Variants in STXBP6 observed in about 807,000 individuals in gnomAD.
STXBP6 encodes the protein syntaxin-binding protein 6.
Under a neutral mutation model 26.9 loss-of-function variants are expected in STXBP6, and 21 were observed. The observed-to-expected ratio is 0.78, with a 90% CI of 0.55 to 1.12. The LOEUF is 1.12. Among genes scored for constraint, STXBP6 ranks in the 50% most tolerant of loss-of-function variants. The probability of loss-of-function intolerance (pLI) is 0.00; values close to 1 mark genes in which losing one functional copy is unlikely to be tolerated. For missense variants in STXBP6, 232 were observed against 257.9 expected (o/e 0.90, Z 0.69); for synonymous variants, 97 against 92.6 (o/e 1.05, Z -0.27).
At chr14:24,981,787 C>T (rs10137405) in intron 1 of STXBP6, among the ~76,000 whole-genome samples, 56,566 of 151,950 alleles carry the variant, frequency 0.37, 13,267 homozygotes, top group African/African-American at 0.67. Context: ...AAAAAATCAT[C>T]ATAAACAACC....
intron 5 of STXBP6, 52 bp from the exon 6 acceptor site, chr14:24,812,784 A>G (rs776360791): frequency 1.3e-6 from 2 of 1,589,432 alleles, no homozygotes; most frequent in African/African-American, 1.3e-5. Context: ...AGGTATTAGC[A>G]GAGAGATTTC....
At chr14:25,032,238 C>A (rs2075471470) in intron 1 of STXBP6, among the ~76,000 whole-genome samples, 2 of 152,142 alleles carry the variant, frequency 1.3e-5, no homozygotes, top group African/African-American at 4.8e-5. Context: ...AGGACTATCA[C>A]CACACTGGAA....
intron 2 of STXBP6, among the ~76,000 whole-genome samples, chr14:24,903,108 C>T (rs2071270669): frequency 6.6e-6 from 1 of 152,204 alleles, no homozygotes; most frequent in Non-Finnish European, 1.5e-5. Flanking sequence ...AAATCTTTTA[C>T]TAACCAAGAT....
chr14:24,990,076 G>A (rs2074427428), intron 1 of STXBP6, among the ~76,000 whole-genome samples: 1 of 152,160 alleles, frequency 6.6e-6, no homozygotes, highest in African/African-American at 2.4e-5. Flanking sequence ...CTTCCTGTTG[G>A]GGAAAGGTTA....
intron 1 of STXBP6, among the ~76,000 whole-genome samples, chr14:24,996,254 T>A (rs1231530557): frequency 6.6e-6 from 1 of 152,234 alleles, no homozygotes; most frequent in Non-Finnish European, 1.5e-5. Context: ...AATTTTTTAA[T>A]GCTTCTTGGC....
chr14:25,012,341 G>A (rs1234237210), intron 1 of STXBP6, among the ~76,000 whole-genome samples: 2 of 152,186 alleles, frequency 1.3e-5, no homozygotes, highest in Admixed American at 6.5e-5. Context: ...GAACATGCAT[G>A]CACACAGTCA....
At chr14:24,947,193 TAGAG>T (rs2073020411) in intron 2 of STXBP6, among the ~76,000 whole-genome samples, 1 of 148,972 alleles carries the variant, frequency 6.7e-6, no homozygotes, top group African/African-American at 2.5e-5. Flanking sequence ...GGAATATTAA[TAGAG>T]AGCTCCATAT....
intron 4 of STXBP6, among the ~76,000 whole-genome samples, chr14:24,855,680 T>A (rs1051149980): frequency 3.9e-5 from 6 of 152,090 alleles, no homozygotes; most frequent in African/African-American, 1.4e-4. Context: ...ATTCAAATAA[T>A]CTTAGCTAAG....
chr14:24,864,445 A>C (rs916669227), intron 2 of STXBP6, among the ~76,000 whole-genome samples: 2 of 152,128 alleles, frequency 1.3e-5, no homozygotes, highest in Non-Finnish European at 2.9e-5. Flanking sequence ...ATGAGAAGAG[A>C]TGGAAGCGTT....
intron 1 of STXBP6, among the ~76,000 whole-genome samples, chr14:25,027,608 A>G (rs1234291674): frequency 6.6e-6 from 1 of 152,212 alleles, no homozygotes; most frequent in African/African-American, 2.4e-5. Context: ...AATTAGGCCA[A>G]TTAATAATCC....
At chr14:24,837,944 G>A (rs947722233) in intron 4 of STXBP6, among the ~76,000 whole-genome samples, 5 of 152,190 alleles carry the variant, frequency 3.3e-5, no homozygotes, top group Non-Finnish European at 5.9e-5. Context: ...CTGGAGTTTG[G>A]CTGCCAAAAA....
chr14:24,935,805 C>T (rs571951665), intron 2 of STXBP6, among the ~76,000 whole-genome samples: 1 of 152,280 alleles, frequency 6.6e-6, no homozygotes, highest in East Asian at 1.9e-4. Context: ...CCTAGAAAGT[C>T]TTTCTTCTCA....
At chr14:25,024,676 C>A (rs2075317514) in intron 1 of STXBP6, among the ~76,000 whole-genome samples, 1 of 152,148 alleles carries the variant, frequency 6.6e-6, no homozygotes, top group South Asian at 2.1e-4. Context: ...TTCTCCAACT[C>A]CTAGACAGCC....
chr14:24,927,728 A>G (rs2072229370), intron 2 of STXBP6, among the ~76,000 whole-genome samples: 1 of 152,250 alleles, frequency 6.6e-6, no homozygotes, highest in Non-Finnish European at 1.5e-5. Flanking sequence ...ACATTAGCAG[A>G]AATGTCAACG....
At chr14:24,978,188 G>A (rs2074099833) in intron 1 of STXBP6, among the ~76,000 whole-genome samples, 1 of 152,344 alleles carries the variant, frequency 6.6e-6, no homozygotes, top group South Asian at 2.1e-4. Context: ...TCAGCATGGA[G>A]AGCTTTTCAA....
At chr14:24,851,527 C>G (rs569402168) in intron 4 of STXBP6, among the ~76,000 whole-genome samples, 3 of 152,140 alleles carry the variant, frequency 2.0e-5, no homozygotes, top group African/African-American at 7.2e-5. Flanking sequence ...TCATTCTCAA[C>G]ATCTGTTTGA....
At chr14:24,830,400 T>A (rs936255181) in intron 4 of STXBP6, among the ~76,000 whole-genome samples, 1 of 151,988 alleles carries the variant, frequency 6.6e-6, no homozygotes. Context: ...GTCAGTGAGA[T>A]GAGATGTATG....
At chr14:24,856,957 C>G in intron 3 of STXBP6, 70 bp downstream of exon 3, 1 of 1,561,430 alleles carries the variant, frequency 6.4e-7, no homozygotes, top group Non-Finnish European at 8.7e-7. Context: ...ACCACTACCA[C>G]TACCAAGGTC....
intron 4 of STXBP6, among the ~76,000 whole-genome samples, chr14:24,832,063 T>A (rs952710921): frequency 2.0e-5 from 3 of 152,088 alleles, no homozygotes; most frequent in African/African-American, 7.2e-5. Flanking sequence ...AGCTGAGGGT[T>A]TTAATTTCCT....
Sources: gnomAD v4.1 joint callset for allele counts (sites outside exome capture counted in the v4.1 genomes callset) on GRCh38, gnomAD v4.1.1 for gene constraint, MANE v1.5 for transcripts, NCBI Gene and HGNC (gene_info 2026-07-23, HGNC 2026-07-21) for gene names.